Variants in DNAH6 observed in about 807,000 individuals in gnomAD.
The protein encoded by DNAH6 is dynein axonemal heavy chain 6, also known as axonemal beta dynein heavy chain 6.
Under a neutral mutation model 491.4 loss-of-function variants are expected in DNAH6, and 340 were observed. The observed-to-expected ratio is 0.69, with a 90% CI of 0.63 to 0.76. The LOEUF (loss-of-function observed/expected upper bound fraction) is 0.76. Among genes scored for constraint, DNAH6 ranks in the 30% least tolerant of loss-of-function variants. DNAH6 has a pLI of 0.00. For missense variants in DNAH6, 4,443 were observed against 4,972.2 expected (o/e 0.89, Z 3.20); for synonymous variants, 1,603 against 1,686.1 (o/e 0.95, Z 1.21).
At chr2:84,592,471 T>G (rs1346943340) in intron 16 of DNAH6, among the ~76,000 whole-genome samples, 1 of 152,168 alleles carries the variant, frequency 6.6e-6, no homozygotes, top group African/African-American at 2.4e-5. Flanking sequence ...GTGAAGACAC[T>G]GGAATCCTTT....
At chr2:84,504,928 A>T in the DNAH6 span, among the ~76,000 whole-genome samples, 1 of 152,196 alleles carries the variant, frequency 6.6e-6, no homozygotes, top group Non-Finnish European at 1.5e-5. Context: ...GATTGTATTG[A>T]ATCTGTACAT....
chr2:84,762,567 AT>A (rs1674692539), intron 63 of DNAH6, among the ~76,000 whole-genome samples, 187 bp from the exon 64 acceptor site: 1 of 152,198 alleles, frequency 6.6e-6, no homozygotes, highest in South Asian at 2.1e-4. Context: ...CATGAGAACC[AT>A]AGCTGTCCAC....
At chr2:84,668,460 A>T (rs1692387365) in intron 37 of DNAH6, among the ~76,000 whole-genome samples, 1 of 152,146 alleles carries the variant, frequency 6.6e-6, no homozygotes, top group Admixed American at 6.5e-5. Context: ...ATGCAGTCTG[A>T]TTATGTTACC....
Position 84,685,415 on chromosome 2 carries a change from C to T in DNAH6, c.7006C>T (p.Arg2336Cys), listed in dbSNP as rs1009790824. Residue 2336 changes from arginine to cysteine, a missense_variant, in exon 43 of 77, where the codon CGC becomes TGC. This residue lies in a region of DNAH6 where 2,977 missense variants were observed against 3,296.6 expected (regional missense o/e 0.90). Transcript: ENST00000389394. ...CHECQRVFHD[R>C]LINNEDKHYF... ...TGAGTGCCAAAGGGTCTTCCATGAT[C>T]GCTTGATTAATAATGAAGATAAGCA... 12 of 1,522,096 alleles carry T rather than the reference C, an allele frequency of 7.9e-6. No homozygotes were observed. The highest frequency in any genetic ancestry group is 1.4e-5 in the African/African-American group (1 of 72,486). The allele number at this position is 1,522,096 out of a possible 1,614,324, so 94.3% of individuals were successfully genotyped here. A position where few individuals can be genotyped will look rare whatever the true frequency, so the allele number is the denominator to read the frequency against.
At chr2:84,736,996 A>G (rs1400554812) in intron 62 of DNAH6, among the ~76,000 whole-genome samples, 1 of 152,056 alleles carries the variant, frequency 6.6e-6, no homozygotes, top group African/African-American at 2.4e-5. Flanking sequence ...ATTTTGAGGT[A>G]TATTCCTTTG....
At chr2:84,739,154 A>C (rs1474677827) in intron 62 of DNAH6, among the ~76,000 whole-genome samples, 1 of 152,208 alleles carries the variant, frequency 6.6e-6, no homozygotes, top group Non-Finnish European at 1.5e-5. Flanking sequence ...GAATACTAAA[A>C]ATAGGCCCCA....
chr2:84,557,191 C>T (rs1410745429), intron 10 of DNAH6, among the ~76,000 whole-genome samples: 2 of 152,132 alleles, frequency 1.3e-5, no homozygotes, highest in Non-Finnish European at 2.9e-5. Context: ...AAATATAGAA[C>T]TCATCACCAT....
chr2:84,700,986 A>T, intron 48 of DNAH6, 111 bp from the exon 49 acceptor site: 1 of 1,246,880 alleles, frequency 8.0e-7, no homozygotes, highest in Non-Finnish European at 1.1e-6. Context: ...TAACTAGGTG[A>T]AGAGGGGACT....
At chr2:84,508,725 C>A in the DNAH6 span, among the ~76,000 whole-genome samples, 1 of 152,166 alleles carries the variant, frequency 6.6e-6, no homozygotes, top group Admixed American at 6.5e-5. Flanking sequence ...TTTCCCTCTA[C>A]ACACTGCTTT....
Position 84,787,314 on chromosome 2 carries a change from C to T in DNAH6, c.11239+12C>T. Reference sequence around the variant, plus strand: ...AATTTACATTACTGGTGAGTACGTCCTTGTGGCCAGGCCTTCCATCTATGT... The same window carrying T: ...AATTTACATTACTGGTGAGTACGTCTTTGTGGCCAGGCCTTCCATCTATGT... On this transcript the variant is annotated intron_variant, in intron 68 of 76. Coordinates refer to ENST00000389394, the MANE Select transcript of DNAH6 (RefSeq NM_001370.2). 1 of 1,544,856 alleles carries T rather than the reference C, an allele frequency of 6.5e-7. No individual in the cohort carries two copies.
intron 33 of DNAH6, among the ~76,000 whole-genome samples, chr2:84,649,263 T>G (rs1408528307): frequency 2.0e-5 from 3 of 152,196 alleles, no homozygotes; most frequent in African/African-American, 7.2e-5. Flanking sequence ...GGTCTGAAAC[T>G]GAACCCACAG....
chr2:84,608,113 C>G (rs936076591), intron 21 of DNAH6, among the ~76,000 whole-genome samples: 1 of 152,202 alleles, frequency 6.6e-6, no homozygotes, highest in African/African-American at 2.4e-5. Context: ...AAGTCCTTAT[C>G]TATTCAAGTT....
chr2:84,528,912 G>A lies in DNAH6; in HGVS notation c.408G>A (p.Arg136=). Residue 136 remains arginine (R), a synonymous_variant, in exon 4 of 77, where the codon CGG becomes CGA. Coordinates refer to ENST00000389394, the MANE Select transcript of DNAH6 (RefSeq NM_001370.2). Reference sequence around the variant, plus strand: ...AAATTGGCTTTGTTTAGATTCATCGGCCCTATGTTGAGGTGTTCTCTCCCT... The same window carrying A: ...AAATTGGCTTTGTTTAGATTCATCGACCCTATGTTGAGGTGTTCTCTCCCT... ...QDAVKKMQIH[R]PYVEVFSPSP... is the part of the protein sequence containing the mutation. 6.5e-7 allele frequency: 1 copy of A among 1,547,432 alleles called. No homozygotes were observed.
chr2:84,518,189 A>G (rs542968840), intron 2 of DNAH6, 138 bp downstream of exon 2: 2 of 648,600 alleles, frequency 3.1e-6, no homozygotes, highest in African/African-American at 3.7e-5. Context: ...CTGCTTATGT[A>G]GTTGTAAATA....
At chr2:84,460,845 AGCC>A in the DNAH6 span, among the ~76,000 whole-genome samples, 1 of 152,244 alleles carries the variant, frequency 6.6e-6, no homozygotes, top group East Asian at 1.9e-4. Flanking sequence ...AAATATTAAA[AGCC>A]AGTGCCCTTA....
At chr2:84,518,692 A>C (rs1422280777) in intron 2 of DNAH6, among the ~76,000 whole-genome samples, 1 of 152,238 alleles carries the variant, frequency 6.6e-6, no homozygotes, top group Non-Finnish European at 1.5e-5. Flanking sequence ...ATGTATATTA[A>C]AAGTTTGTTA....
At chr2:84,606,183 C>G (rs990141010) in intron 20 of DNAH6, among the ~76,000 whole-genome samples, 1 of 152,152 alleles carries the variant, frequency 6.6e-6, no homozygotes, top group African/African-American at 2.4e-5. Flanking sequence ...GGTCACATAG[C>G]CCAACTTAAA....
intron 45 of DNAH6, among the ~76,000 whole-genome samples, chr2:84,692,405 A>G (rs1171599404): frequency 6.6e-6 from 1 of 150,500 alleles, no homozygotes; most frequent in Non-Finnish European, 1.5e-5. Flanking sequence ...AATTATCAAC[A>G]ATATAAATAA....
intron 4 of DNAH6, among the ~76,000 whole-genome samples, chr2:84,534,217 A>T (rs1183995808): frequency 1.3e-5 from 2 of 152,108 alleles, no homozygotes; most frequent in African/African-American, 2.4e-5. Flanking sequence ...GCAGCCAAGC[A>T]AGTGACTCCC....
Sources: gnomAD v4.1 joint callset for allele counts (sites outside exome capture counted in the v4.1 genomes callset) on GRCh38, gnomAD v4.1.1 for gene constraint, gnomAD v4.1.1 regional missense constraint, MANE v1.5 for transcripts, NCBI Gene and HGNC (gene_info 2026-07-23, HGNC 2026-07-21) for gene names.